Variants in RETREG1 observed in about 807,000 individuals in gnomAD.
The protein encoded by RETREG1 is reticulophagy regulator 1, also known as family with sequence similarity 134 member B.
RETREG1 carries 44 observed loss-of-function variants against 54.8 expected under a neutral mutation model. That is an observed-to-expected ratio of 0.80 (90% CI 0.63 to 1.03). RETREG1 has a LOEUF of 1.03. Among genes scored for constraint, RETREG1 ranks in the 50% least tolerant of loss-of-function variants. The pLI, the probability that RETREG1 is intolerant of heterozygous loss-of-function variation, is 0.00. For synonymous variants in RETREG1, 217 were observed against 238.5 expected, an observed-to-expected ratio of 0.91 and a Z score of 0.83; for missense variants, 554 against 605.1, an observed-to-expected ratio of 0.92 and a Z score of 0.89.
chr5:16,615,244 C>G (rs767327621), intron 1 of RETREG1, among the ~76,000 whole-genome samples: 2 of 151,492 alleles, frequency 1.3e-5, no homozygotes, highest in Non-Finnish European at 2.9e-5. Flanking sequence ...AAAAAAAATA[C>G]AAAAAACTGG....
At chr5:16,521,781 G>A (rs1740541438) in intron 3 of RETREG1, among the ~76,000 whole-genome samples, 1 of 152,226 alleles carries the variant, frequency 6.6e-6, no homozygotes, top group Non-Finnish European at 1.5e-5. Flanking sequence ...GCTGATGTCA[G>A]GTTTAAAGGA....
intron 3 of RETREG1, among the ~76,000 whole-genome samples, chr5:16,521,145 T>A (rs1740521812): frequency 6.6e-6 from 1 of 152,232 alleles, no homozygotes; most frequent in African/African-American, 2.4e-5. Context: ...GTTTTATTCC[T>A]GCTTATTTCC....
At chr5:16,554,806 T>C (rs966538070) in intron 3 of RETREG1, among the ~76,000 whole-genome samples, 1 of 152,200 alleles carries the variant, frequency 6.6e-6, no homozygotes, top group African/African-American at 2.4e-5. Context: ...CTACATACCA[T>C]GAATAACAAA....
chr5:16,597,131 A>C lies in RETREG1; in HGVS notation c.320+19521T>G, dbSNP rs943892455. ...ATGGGCAAAATAACCCAGCAAGTAG[A>C]GGATAAACTACAATTAGGCCACCCA... On this transcript the variant is annotated intron_variant, in intron 1 of 8. Coordinates refer to ENST00000306320, the MANE Select transcript of RETREG1 (RefSeq NM_001034850.3). The surrounding 1 kb of genome is among the most constrained non-coding windows in gnomAD (Gnocchi z 4.3). 6.6e-6 allele frequency among the ~76,000 whole-genome samples: 1 copy of C among 152,232 alleles called. No homozygotes were observed. Among genetic ancestry groups the C allele is most frequent in the Non-Finnish European group, 1.5e-5 (1 of 68,040 alleles).
At chr5:16,592,715 C>T (rs977646737) in intron 1 of RETREG1, among the ~76,000 whole-genome samples, 3 of 120,054 alleles carry the variant, frequency 2.5e-5, no homozygotes, top group African/African-American at 7.8e-5. Flanking sequence ...ACTATGCAGC[C>T]ATAAAAAAAA....
At chr5:16,615,244 C>T (rs767327621) in intron 1 of RETREG1, among the ~76,000 whole-genome samples, 12 of 151,492 alleles carry the variant, frequency 7.9e-5, no homozygotes, top group Non-Finnish European at 1.5e-4. Context: ...AAAAAAAATA[C>T]AAAAAACTGG....
At chr5:16,525,279 CGGG>C (rs1264208640) in intron 3 of RETREG1, among the ~76,000 whole-genome samples, 7 of 77,612 alleles carry the variant, frequency 9.0e-5, no homozygotes, top group South Asian at 6.4e-4. Flanking sequence ...TGGATGTGCG[CGGG>C]GGGACACTGT....
In RETREG1 at chr5:16,561,003, T is replaced by C. The variant is rs938384572; in HGVS notation, c.458+4760A>G. ...AAAGGGACACATAAATCCCTCACATTGCACCATCATACACTTCTCAGGCTG... is the reference window on the plus strand; with the variant it reads ...AAAGGGACACATAAATCCCTCACATCGCACCATCATACACTTCTCAGGCTG... On this transcript the variant is annotated intron_variant, in intron 3 of 8. Transcript: ENST00000306320. The surrounding 1 kb of genome is among the most constrained non-coding windows in gnomAD (Gnocchi z 4.2). Among the ~76,000 whole-genome samples the C allele has an allele frequency of 2.6e-5, 4 of 152,056 alleles. No individual in the cohort carries two copies. The highest frequency in any genetic ancestry group is 5.9e-5 in the Non-Finnish European group (4 of 68,020).
At chr5:16,512,756 CT>C (rs1740219326) in intron 3 of RETREG1, among the ~76,000 whole-genome samples, 1 of 152,124 alleles carries the variant, frequency 6.6e-6, no homozygotes, top group Admixed American at 6.6e-5. Flanking sequence ...CCCTTCCCAA[CT>C]TTAGTACACA....
intron 1 of RETREG1, among the ~76,000 whole-genome samples, chr5:16,590,581 G>A (rs1020641332): frequency 3.3e-5 from 5 of 152,138 alleles, no homozygotes; most frequent in African/African-American, 1.2e-4. Context: ...TGAAACTCGG[G>A]GCGTGTGTGC....
intron 3 of RETREG1, among the ~76,000 whole-genome samples, chr5:16,517,721 C>T (rs978427778): frequency 6.6e-6 from 1 of 152,176 alleles, no homozygotes; most frequent in African/African-American, 2.4e-5. Context: ...GCAGCACACA[C>T]CCTCCAAATA....
chr5:16,560,226 A>G (rs1741818992), intron 3 of RETREG1, among the ~76,000 whole-genome samples: 1 of 152,216 alleles, frequency 6.6e-6, no homozygotes, highest in South Asian at 2.1e-4. Flanking sequence ...GTACATATCT[A>G]CTACCACGTT....
Position 16,581,379 on chromosome 5 carries a change from C to T in RETREG1, c.321-9277G>A, listed in dbSNP as rs528403801. Reference sequence around the variant, plus strand: ...CCACAGAGCATTCATCCCCAAGTGACGGCCTTCCCCAGGCCCTGTGTGGCT... The same window carrying T: ...CCACAGAGCATTCATCCCCAAGTGATGGCCTTCCCCAGGCCCTGTGTGGCT... On this transcript the variant is annotated intron_variant, in intron 1 of 8. Coordinates refer to ENST00000306320, the MANE Select transcript of RETREG1 (RefSeq NM_001034850.3). Among the ~76,000 whole-genome samples, 7 of 152,320 alleles carry T rather than the reference C, an allele frequency of 4.6e-5. No individual in the cohort carries two copies. In the South Asian group the frequency reaches 6.2e-4, roughly 14 times the overall value.
chr5:16,565,044 C>G (rs1003418211), intron 3 of RETREG1, among the ~76,000 whole-genome samples: 3 of 152,084 alleles, frequency 2.0e-5, no homozygotes, highest in Admixed American at 6.6e-5. Flanking sequence ...TTTAAAAAAT[C>G]AATTCCTACA....
intron 1 of RETREG1, among the ~76,000 whole-genome samples, chr5:16,578,466 A>G (rs555422105): frequency 6.6e-6 from 1 of 152,336 alleles, no homozygotes; most frequent in East Asian, 1.9e-4. Flanking sequence ...CGATCTTTAC[A>G]TGGAAACTGG....
chr5:16,578,545 G>A (rs1282661152), intron 1 of RETREG1, among the ~76,000 whole-genome samples: 1 of 152,172 alleles, frequency 6.6e-6, no homozygotes, highest in Admixed American at 6.5e-5. Context: ...GCACGCTGTG[G>A]CATCACTCAG....
intron 3 of RETREG1, among the ~76,000 whole-genome samples, chr5:16,526,684 C>T (rs1321333113): frequency 6.6e-6 from 1 of 152,170 alleles, no homozygotes; most frequent in East Asian, 1.9e-4. Context: ...AACATTTCTA[C>T]ATATCTTAAT....
intron 3 of RETREG1, among the ~76,000 whole-genome samples, chr5:16,537,246 G>T (rs1741099751): frequency 6.6e-6 from 1 of 152,206 alleles, no homozygotes; most frequent in African/African-American, 2.4e-5. Context: ...GAGAAATGAG[G>T]CTTTGAGGGT....
intron 3 of RETREG1, among the ~76,000 whole-genome samples, chr5:16,537,917 GC>G (rs1741125900): frequency 6.6e-6 from 1 of 152,124 alleles, no homozygotes; most frequent in Non-Finnish European, 1.5e-5. Context: ...GGCAAAGAAA[GC>G]CCACTTGATA....
Sources: allele counts gnomAD v4.1 joint callset (sites outside exome capture counted in the v4.1 genomes callset), GRCh38; gene constraint gnomAD v4.1.1; non-coding constraint Gnocchi (gnomAD v3.1); transcripts MANE v1.5; gene names NCBI Gene and HGNC (gene_info 2026-07-23, HGNC 2026-07-21).